The following PCDH15 variants were observed in gnomAD, a reference collection of about 807,000 sequenced individuals.
The protein encoded by PCDH15 is protocadherin related 15.
In PCDH15, 129 loss-of-function variants were observed where a neutral mutation model predicts 178.5. The ratio of observed to expected loss-of-function variants is 0.72; its 90% confidence interval spans 0.63 to 0.84. The LOEUF (loss-of-function observed/expected upper bound fraction) is 0.84, where lower values mean the gene tolerates loss of function less well. Ranked by LOEUF, PCDH15 falls within the 40% of genes least tolerant of loss-of-function variation. The pLI is 0.00. For synonymous variants in PCDH15, 800 were observed against 732.0 expected, an observed-to-expected ratio of 1.09 and a Z score of -1.50; for missense variants, 2,230 against 2,099.9, an observed-to-expected ratio of 1.06 and a Z score of -1.21.
chr10:54,722,592 A>G (rs374319543), intron 1 of PCDH15, among the ~76,000 whole-genome samples: 1 of 120,074 alleles, frequency 8.3e-6, no homozygotes. Flanking sequence ...AAAAAAAAAA[A>G]AATGTCAAAT....
At chr10:54,268,229 GA>G (rs1410181762) in intron 8 of PCDH15, among the ~76,000 whole-genome samples, 1 of 151,794 alleles carries the variant, frequency 6.6e-6, no homozygotes, top group Non-Finnish European at 1.5e-5. Context: ...ACCATATTCA[GA>G]AGAATGAAAT....
intron 26 of PCDH15, among the ~76,000 whole-genome samples, chr10:53,870,359 G>T (rs1263128773): frequency 6.6e-6 from 1 of 151,840 alleles, no homozygotes; most frequent in African/African-American, 2.4e-5. Context: ...AAATAGTCAA[G>T]AATGAGATAA....
At chr10:54,917,487 A>G (rs1209705691) in intron 2 of PCDH15, among the ~76,000 whole-genome samples, 1 of 152,212 alleles carries the variant, frequency 6.6e-6, no homozygotes, top group Non-Finnish European at 1.5e-5. Context: ...CAAATACAGT[A>G]CATCATAATA....
rs9415298 is a variant in PCDH15 at position 54,331,006 on chromosome 10, G to C, written c.595-1300C>G. Among the ~76,000 whole-genome samples the C allele has an allele frequency of 1.5e-3, 231 of 150,002 alleles. 1 individual carries two copies. Among genetic ancestry groups the C allele is most frequent in the African/African-American group, 5.7e-3 (226 of 39,768 alleles). Reference sequence around the variant, plus strand: ...AAAGAAAAATGAGAGGAAAAGGCAAGGGGAAGGAGAAGAGAAAGGGAAGGG... The same window carrying C: ...AAAGAAAAATGAGAGGAAAAGGCAACGGGAAGGAGAAGAGAAAGGGAAGGG... On this transcript the variant is annotated intron_variant, in intron 6 of 37. Coordinates refer to ENST00000644397, the MANE Select transcript of PCDH15 (RefSeq NM_001384140.1).
chr10:55,404,806 C>T (rs564020823), intron 2 of PCDH15, among the ~76,000 whole-genome samples: 1 of 151,798 alleles, frequency 6.6e-6, no homozygotes, highest in African/African-American at 2.4e-5. Context: ...AAAATACTAT[C>T]AGACATACCT....
intron 3 of PCDH15, among the ~76,000 whole-genome samples, chr10:54,511,597 C>T (rs763483162): frequency 9.9e-5 from 15 of 152,066 alleles, no homozygotes; most frequent in African/African-American, 9.7e-5. Context: ...ATATATCATA[C>T]GGTCACTTTA....
At chr10:55,263,773 C>T (rs1048536279) in intron 1 of PCDH15, among the ~76,000 whole-genome samples, 1 of 152,212 alleles carries the variant, frequency 6.6e-6, no homozygotes, top group Non-Finnish European at 1.5e-5. Context: ...CTCACTCTGT[C>T]GTCTGGGCTG....
chr10:54,722,002 C>T (rs1941698105), intron 1 of PCDH15, among the ~76,000 whole-genome samples: 1 of 151,782 alleles, frequency 6.6e-6, no homozygotes, highest in South Asian at 2.1e-4. Context: ...AACAGCACAT[C>T]AAATATACAA....
At chr10:53,889,158 TACTC>T (rs1163596108) in intron 26 of PCDH15, among the ~76,000 whole-genome samples, 3 of 152,014 alleles carry the variant, frequency 2.0e-5, no homozygotes, top group Non-Finnish European at 4.4e-5. Flanking sequence ...GTTTTTGTGT[TACTC>T]AAAGAGCTTT....
intron 2 of PCDH15, among the ~76,000 whole-genome samples, chr10:54,908,820 C>A (rs986755678): frequency 6.6e-6 from 1 of 151,544 alleles, no homozygotes; most frequent in African/African-American, 2.4e-5. Context: ...TAGCTCCTTT[C>A]CGTTAGGCAG....
chr10:53,811,666 C>G, intron 35 of PCDH15, 47 bp from the exon 36 acceptor site: 1 of 1,238,662 alleles, frequency 8.1e-7, no homozygotes, highest in Non-Finnish European at 1.1e-6. Flanking sequence ...ATTCTTATCA[C>G]GTTTCAGGTC....
intron 6 of PCDH15, among the ~76,000 whole-genome samples, chr10:54,334,513 G>C (rs1940613877): frequency 6.6e-6 from 1 of 152,098 alleles, no homozygotes; most frequent in Non-Finnish European, 1.5e-5. Context: ...ATGGAATATG[G>C]GGTTATTAGC....
intron 3 of PCDH15, among the ~76,000 whole-genome samples, chr10:54,441,471 A>G (rs1281739319): frequency 2.6e-5 from 4 of 151,836 alleles, no homozygotes; most frequent in Admixed American, 6.6e-5. Context: ...CAACTTTCTA[A>G]TTGAACTCTA....
upstream of PCDH15, among the ~76,000 whole-genome samples, chr10:55,320,762 G>A (rs555186156): frequency 1.3e-5 from 2 of 152,108 alleles, no homozygotes; most frequent in Admixed American, 1.3e-4. Context: ...AAAGATAAAA[G>A]AAAAATAAAA....
At chr10:54,737,078 G>C (rs1265799279) in intron 1 of PCDH15, among the ~76,000 whole-genome samples, 2 of 152,096 alleles carry the variant, frequency 1.3e-5, no homozygotes, top group East Asian at 3.9e-4. Context: ...AGCATTACAT[G>C]CCTCAGTGGC....
chr10:54,184,790 A>G (rs573014866), intron 12 of PCDH15, among the ~76,000 whole-genome samples: 8 of 152,300 alleles, frequency 5.3e-5, no homozygotes, highest in African/African-American at 1.9e-4. Context: ...GACTAAATAA[A>G]AAATGCAAGA....
At chr10:54,686,165 C>G (rs551452529) in intron 1 of PCDH15, among the ~76,000 whole-genome samples, 1 of 148,686 alleles carries the variant, frequency 6.7e-6, no homozygotes, top group African/African-American at 2.5e-5. Flanking sequence ...TGTGAGCCAC[C>G]GCACTCGGCC....
chr10:53,813,385 T>C (rs2075947975), intron 35 of PCDH15, among the ~76,000 whole-genome samples: 1 of 152,166 alleles, frequency 6.6e-6, no homozygotes, highest in Non-Finnish European at 1.5e-5. Context: ...TCTAAAGGAA[T>C]CCAATTTTGA....
intron 20 of PCDH15, among the ~76,000 whole-genome samples, chr10:54,010,704 A>T (rs1210370589): frequency 6.6e-6 from 1 of 152,140 alleles, no homozygotes; most frequent in African/African-American, 2.4e-5. Context: ...CTGGGGAGGA[A>T]CAAAGGGCTT....
Sources: gnomAD v4.1 joint callset for allele counts (sites outside exome capture counted in the v4.1 genomes callset) on GRCh38, gnomAD v4.1.1 for gene constraint, MANE v1.5 for transcripts, NCBI Gene and HGNC (gene_info 2026-07-23, HGNC 2026-07-21) for gene names.